OLA1: variants seen among roughly 807,000 people sequenced by gnomAD.
OLA1 encodes the protein Obg like ATPase 1, also known as obg-like ATPase 1.
A neutral mutation model predicts 48.4 loss-of-function variants in OLA1; 14 were observed. The ratio of observed to expected loss-of-function variants is 0.29; its 90% confidence interval spans 0.19 to 0.45. OLA1 has a LOEUF of 0.45. Among genes scored for constraint, OLA1 ranks in the 20% least tolerant of loss-of-function variants. The pLI is 1.00. For synonymous variants in OLA1, 127 were observed against 150.4 expected, an observed-to-expected ratio of 0.84 and a Z score of 1.14; for missense variants, 325 against 467.1, an observed-to-expected ratio of 0.70 and a Z score of 2.80.
intron 4 of OLA1, among the ~76,000 whole-genome samples, chr2:174,196,861 T>C (rs1687888229): frequency 6.6e-6 from 1 of 152,194 alleles, no homozygotes; most frequent in South Asian, 2.1e-4. Flanking sequence ...TAGGGAAATA[T>C]AATATTCTCA....
intron 4 of OLA1, among the ~76,000 whole-genome samples, chr2:174,196,551 G>T (rs746454224): frequency 3.9e-5 from 6 of 152,178 alleles, no homozygotes; most frequent in African/African-American, 9.6e-5. Flanking sequence ...CCATTTGGTG[G>T]TTGTAATTTA....
intron 7 of OLA1, among the ~76,000 whole-genome samples, chr2:174,122,972 A>C (rs1685951205): frequency 6.6e-6 from 1 of 152,188 alleles, no homozygotes; most frequent in African/African-American, 2.4e-5. Flanking sequence ...TGCTTATTTA[A>C]TTCAGTTTTT....
In OLA1 at chr2:174,075,610, G is replaced by A. The variant is rs1017615616; in HGVS notation, c.1090-83C>T. On this transcript the variant is annotated intron_variant, in intron 10 of 10. Coordinates refer to ENST00000284719, the MANE Select transcript of OLA1 (RefSeq NM_013341.5). ...TAAATGGTGGCAGCAGATATAAAAA[G>A]TATTATACTACTTGGGTGATATAAA... is the stretch of plus-strand genomic sequence containing the variant. 1.1e-5 allele frequency: 9 copies of A among 801,034 alleles called. No individual in the cohort carries two copies. The African/African-American group carries it at 1.4e-4, about 13-fold the overall frequency. The allele number at this position is 801,034 out of a possible 1,614,324, so 49.6% of individuals were successfully genotyped here.
intron 1 of OLA1, chr2:174,247,916 C>A: frequency 9.8e-7 from 1 of 1,016,168 alleles, no homozygotes; most frequent in Non-Finnish European, 1.4e-6. Flanking sequence ...GACCGCTAAG[C>A]TCACGTCTCA....
chr2:174,215,684 G>T (rs1434563948), intron 4 of OLA1, among the ~76,000 whole-genome samples: 1 of 152,052 alleles, frequency 6.6e-6, no homozygotes. Flanking sequence ...TCAAAACTTA[G>T]ACACACTTAC....
At position 174,102,656 on chromosome 2, in the gene OLA1, C is replaced by T. The variant is rs1388263431; in HGVS notation, c.728+20524G>A. Among the ~76,000 whole-genome samples, 4 of 152,046 alleles carry T rather than the reference C, an allele frequency of 2.6e-5. No homozygotes were observed. The East Asian group carries it at 7.7e-4, about 29-fold the overall frequency. On this transcript the variant is annotated intron_variant, in intron 7 of 10. Transcript: ENST00000284719. ...CTTTCCTTCGAATAAGGGAAATCTGCAGAGTAATAATAAAACATATATTGC... is the reference window on the plus strand; with the variant it reads ...CTTTCCTTCGAATAAGGGAAATCTGTAGAGTAATAATAAAACATATATTGC...
intron 7 of OLA1, among the ~76,000 whole-genome samples, chr2:174,104,918 G>A (rs150121166): frequency 2.0e-5 from 3 of 152,002 alleles, no homozygotes; most frequent in Non-Finnish European, 2.9e-5. Context: ...GAAAGATTCA[G>A]CAGTTCTCAA....
intron 4 of OLA1, among the ~76,000 whole-genome samples, chr2:174,186,237 G>A (rs1687653208): frequency 6.6e-6 from 1 of 152,148 alleles, no homozygotes; most frequent in South Asian, 2.1e-4. Context: ...GTAGGATGAA[G>A]AAAGCCGATT....
chr2:174,167,130 A>G (rs1194001163), intron 4 of OLA1, among the ~76,000 whole-genome samples: 4 of 152,194 alleles, frequency 2.6e-5, no homozygotes, highest in Non-Finnish European at 5.9e-5. Context: ...AGCAAAAAAA[A>G]AAAAGTGCCC....
intron 4 of OLA1, among the ~76,000 whole-genome samples, chr2:174,199,395 C>T (rs1687943989): frequency 6.6e-6 from 1 of 152,188 alleles, no homozygotes; most frequent in South Asian, 2.1e-4. Context: ...GCTGCTCAAA[C>T]ACAGCCAATG....
chr2:174,163,267 G>T (rs1180845098), intron 4 of OLA1, among the ~76,000 whole-genome samples: 1 of 152,150 alleles, frequency 6.6e-6, no homozygotes, highest in Non-Finnish European at 1.5e-5. Context: ...CAATTTATTA[G>T]TAAGGGCAGT....
At chr2:174,085,592 A>T (rs981238797) in intron 7 of OLA1, among the ~76,000 whole-genome samples, 1 of 152,232 alleles carries the variant, frequency 6.6e-6, no homozygotes. Context: ...CGGCAGAATG[A>T]GACCATTAGT....
At chr2:174,199,506 T>C (rs932283472) in intron 4 of OLA1, among the ~76,000 whole-genome samples, 2 of 152,188 alleles carry the variant, frequency 1.3e-5, no homozygotes, top group Admixed American at 1.3e-4. Flanking sequence ...TTTTTGAAAA[T>C]GTGCATTTGC....
rs191249611 is a variant in OLA1, at chr2:174,189,663, G to A, written c.373+33370C>T. Among the ~76,000 whole-genome samples the A allele has an allele frequency of 1.2e-3, 177 of 152,136 alleles. 1 individual carries two copies. Among genetic ancestry groups the A allele is most frequent in the South Asian group, 9.5e-3 (46 of 4,828 alleles). ...CAAGGTCATAGAGAAATAGGCATTC[G>A]CATACACTGTTGGTAGCAGTACAAA... On this transcript the variant is annotated intron_variant, in intron 4 of 10. Coordinates refer to ENST00000284719, the MANE Select transcript of OLA1 (RefSeq NM_013341.5).
At chr2:174,195,838 T>C (rs1367679365) in intron 4 of OLA1, among the ~76,000 whole-genome samples, 2 of 152,176 alleles carry the variant, frequency 1.3e-5, no homozygotes, top group African/African-American at 4.8e-5. Flanking sequence ...TTCTTAAAGC[T>C]TTTTACAAAG....
At chr2:174,128,352 G>A (rs926585526) in intron 5 of OLA1, among the ~76,000 whole-genome samples, 27 of 151,588 alleles carry the variant, frequency 1.8e-4, no homozygotes, top group African/African-American at 6.3e-4. Flanking sequence ...AGCAAACTAC[G>A]ATCACGCCAT....
intron 5 of OLA1, among the ~76,000 whole-genome samples, chr2:174,126,209 CTTGT>C (rs1686039053): frequency 6.6e-6 from 1 of 151,776 alleles, no homozygotes; most frequent in African/African-American, 2.4e-5. Context: ...AACATTTGGG[CTTGT>C]TTGGATATAA....
intron 4 of OLA1, among the ~76,000 whole-genome samples, chr2:174,203,289 G>A (rs925676650): frequency 6.6e-6 from 1 of 152,054 alleles, no homozygotes; most frequent in African/African-American, 2.4e-5. Flanking sequence ...AACAGAAAGG[G>A]ATTTTAACAA....
intron 4 of OLA1, among the ~76,000 whole-genome samples, chr2:174,192,188 T>C (rs559203953): frequency 7.9e-4 from 120 of 152,314 alleles, no homozygotes; most frequent in African/African-American, 2.8e-3. Context: ...TTAATCTGAG[T>C]CCACCTTTAA....
Sources: gnomAD v4.1 joint callset for allele counts (sites outside exome capture counted in the v4.1 genomes callset) on GRCh38, gnomAD v4.1.1 for gene constraint, MANE v1.5 for transcripts, NCBI Gene and HGNC (gene_info 2026-07-23, HGNC 2026-07-21) for gene names.